Variants in PCDHA8 observed in about 807,000 individuals in gnomAD.
PCDHA8 encodes the protein protocadherin alpha-8.
Under a neutral mutation model 61.8 loss-of-function variants are expected in PCDHA8, and 53 were observed. That is an observed-to-expected ratio of 0.86 (90% CI 0.69 to 1.08). The LOEUF (loss-of-function observed/expected upper bound fraction) is 1.08, where lower values mean the gene tolerates loss of function less well. Among genes scored for constraint, PCDHA8 ranks in the 50% least tolerant of loss-of-function variants. The pLI, the probability that PCDHA8 is intolerant of heterozygous loss-of-function variation, is 0.00. For missense variants in PCDHA8, 1,293 were observed against 1,245.0 expected (o/e 1.04, Z -0.58); for synonymous variants, 618 against 556.6 (o/e 1.11, Z -1.55).
At chr5:140,946,210 G>C (rs140796631) in intron 1 of PCDHA8, among the ~76,000 whole-genome samples, 1 of 152,052 alleles carries the variant, frequency 6.6e-6, no homozygotes, top group African/African-American at 2.4e-5. Flanking sequence ...GCACACAAAT[G>C]ACCAACAGGT....
chr5:140,909,210 G>A (rs2074375008), intron 1 of PCDHA8, among the ~76,000 whole-genome samples: 1 of 152,186 alleles, frequency 6.6e-6, no homozygotes, highest in Non-Finnish European at 1.5e-5. Context: ...CCGGAGAGTT[G>A]ATATACCCCT....
Position 140,883,733 on chromosome 5 carries a change from C to T in PCDHA8, c.2394+40018C>T, listed in dbSNP as rs1554179634. 2.5e-6 allele frequency: 4 copies of T among 1,613,458 alleles called. No individual in the cohort carries two copies. In the East Asian group the frequency reaches 6.7e-5, roughly 27 times the overall value. On this transcript the variant is annotated intron_variant, in intron 1 of 3. Coordinates refer to ENST00000531613, the MANE Select transcript of PCDHA8 (RefSeq NM_018911.3). ...GGACGCGGACGCACAGGAGAACGCG[C>T]TGGTCTCCTACTCGCTGGTGGAGCG...
chr5:140,944,464 G>T (rs2093661298), intron 1 of PCDHA8, among the ~76,000 whole-genome samples: 1 of 152,158 alleles, frequency 6.6e-6, no homozygotes, highest in African/African-American at 2.4e-5. Context: ...TGGGATTACA[G>T]GTATGAGGCA....
At chr5:141,007,749 T>C (rs2098343750) in intron 3 of PCDHA8, among the ~76,000 whole-genome samples, 2 of 152,334 alleles carry the variant, frequency 1.3e-5, no homozygotes, top group South Asian at 4.1e-4. Flanking sequence ...AAGATAACTT[T>C]GGACTCTTAT....
chr5:140,873,211 T>C (rs560514188), intron 1 of PCDHA8, among the ~76,000 whole-genome samples: 2 of 152,272 alleles, frequency 1.3e-5, no homozygotes, highest in Admixed American at 6.5e-5. Flanking sequence ...TCTTTAAGTA[T>C]TAAAGAGAAG....
In PCDHA8 at chr5:141,010,994, G is replaced by A. The variant is rs1338532762; in HGVS notation, c.*1057G>A. ...TTTAAGAGAATTGCCTGAAACATCTGTATTATATCGGCCACCTGCCAATCA... is the reference window on the plus strand; with the variant it reads ...TTTAAGAGAATTGCCTGAAACATCTATATTATATCGGCCACCTGCCAATCA... On this transcript the variant is annotated 3_prime_UTR_variant, in exon 4 of 4. Transcript: ENST00000531613. The A allele has an allele frequency of 6.5e-6, 1 of 153,710 alleles. No homozygotes were observed. The highest frequency in any genetic ancestry group is 1.5e-5 in the Non-Finnish European group (1 of 68,046). The allele number at this position is 153,710 out of a possible 1,614,324, so 9.5% of individuals were successfully genotyped here.
intron 1 of PCDHA8, among the ~76,000 whole-genome samples, chr5:140,964,195 T>C (rs2095816434): frequency 6.6e-6 from 1 of 152,216 alleles, no homozygotes; most frequent in South Asian, 2.1e-4. Context: ...AAATAGAGTA[T>C]ACCATCTCTT....
rs2150344901 is a variant in PCDHA8 at position 140,842,806 on chromosome 5, G to A, written c.1485G>A (p.Val495=). The A allele has an allele frequency of 6.3e-6, 10 of 1,594,218 alleles. No homozygotes were observed. The highest frequency in any genetic ancestry group is 3.3e-5 in the South Asian group (3 of 90,442). ...QENALVSYSL[V]ERRVGERSLS... ...ACGCGCTGGTGTCCTACTCGCTTGTGGAGCGGCGGGTGGGCGAGCGCTCGC... is the reference window on the plus strand; with the variant it reads ...ACGCGCTGGTGTCCTACTCGCTTGTAGAGCGGCGGGTGGGCGAGCGCTCGC... Residue 495 remains valine, a synonymous_variant, in exon 1 of 4, where the codon GTG becomes GTA. Transcript: ENST00000531613.
At chr5:141,005,687 G>A (rs1454342103) in intron 3 of PCDHA8, among the ~76,000 whole-genome samples, 3 of 116,164 alleles carry the variant, frequency 2.6e-5, no homozygotes, top group African/African-American at 7.0e-5. Context: ...GGGCGACAGA[G>A]CGAAACTCCG....
rs182605806 is a variant in PCDHA8 at position 140,924,980 on chromosome 5, T to C, written c.2395-53969T>C. On this transcript the variant is annotated intron_variant, in intron 1 of 3. Transcript: ENST00000531613. ...TGCAAGGTGAGTGCAGTGGCTCATG[T>C]CTGTAATCCTAGCACTTTAGGAGGC... is the stretch of plus-strand genomic sequence containing the variant. Among the ~76,000 whole-genome samples, 408 of 150,900 alleles carry C rather than the reference T, an allele frequency of 2.7e-3. 2 individuals are homozygous for C. The highest frequency in any genetic ancestry group is 0.014 in the Middle Eastern group (4 of 288).
At chr5:140,877,471 G>T (rs2057146762) in intron 1 of PCDHA8, 1 of 1,613,828 alleles carries the variant, frequency 6.2e-7, no homozygotes, top group South Asian at 1.1e-5. Flanking sequence ...CACGGTGCTG[G>T]TGTCGCTGGT....
intron 1 of PCDHA8, chr5:140,883,738 C>T (rs149972776): frequency 2.5e-5 from 41 of 1,613,276 alleles, no homozygotes; most frequent in Non-Finnish European, 3.3e-5. Flanking sequence ...ACGCGCTGGT[C>T]TCCTACTCGC....
In PCDHA8 at chr5:141,010,181, C is replaced by G; in HGVS notation, c.*244C>G. The G allele has an allele frequency of 2.6e-6, 4 of 1,554,386 alleles. No individual in the cohort carries two copies. Among genetic ancestry groups the G allele is most frequent in the Non-Finnish European group, 3.5e-6 (4 of 1,148,120 alleles). On this transcript the variant is annotated 3_prime_UTR_variant, in exon 4 of 4. Transcript: ENST00000531613. ...TTGTTTTCAGAACCTAAAAAGCAGA[C>G]CCAAGTTTCCTTTCTCCTCCGCCGC... is the stretch of plus-strand genomic sequence containing the variant.
At chr5:140,853,682 A>C in intron 1 of PCDHA8, 5 of 988,426 alleles carry the variant, frequency 5.1e-6, no homozygotes, top group Non-Finnish European at 6.1e-6. Context: ...TGGTCAACCT[A>C]TCCTTAGACC....
intron 1 of PCDHA8, among the ~76,000 whole-genome samples, chr5:140,902,277 A>G (rs1257357376): frequency 1.3e-5 from 2 of 149,170 alleles, no homozygotes; most frequent in African/African-American, 5.0e-5. Flanking sequence ...GGCTCAAGCA[A>G]TCCTCCTGCC....
At chr5:140,930,446 C>T (rs891083222) in intron 1 of PCDHA8, 1 of 151,964 alleles carries the variant, frequency 6.6e-6, no homozygotes, top group Admixed American at 6.6e-5. Context: ...TGGTCTCAAA[C>T]TCCTAGCCTC....
chr5:140,909,442 A>T (rs1345461412), intron 1 of PCDHA8, among the ~76,000 whole-genome samples: 11 of 152,234 alleles, frequency 7.2e-5, no homozygotes, highest in African/African-American at 2.7e-4. Context: ...ATCCACTGTC[A>T]TTCTCCAAGA....
chr5:140,871,072 G>T, intron 1 of PCDHA8: 1 of 1,613,238 alleles, frequency 6.2e-7, no homozygotes, highest in South Asian at 1.1e-5. Context: ...CGGTGAGCCG[G>T]CGCTGACGGC....
rs1777346702 is a variant in PCDHA8, at chr5:140,841,580, A to T, written c.259A>T (p.Asn87Tyr). 6.2e-7 allele frequency: 1 copy of T among 1,613,870 alleles called. No individual in the cohort carries two copies. The highest frequency in any genetic ancestry group is 1.1e-5 in the South Asian group (1 of 91,080). ...VSLQNGILFV[N>Y]SRIDREELCG... is the part of the protein sequence containing the mutation. Reference sequence around the variant, plus strand: ...TCTGCAGAATGGCATTTTGTTTGTGAATTCTCGGATCGACCGCGAGGAGCT... The same window carrying T: ...TCTGCAGAATGGCATTTTGTTTGTGTATTCTCGGATCGACCGCGAGGAGCT... The change falls in exon 1 of 4, where the codon AAT becomes TAT. Residue 87 changes from asparagine to tyrosine, a missense_variant. Asn to Tyr is a moderately radical substitution (Grantham distance 143). Transcript: ENST00000531613.
Sources: allele counts gnomAD v4.1 joint callset (sites outside exome capture counted in the v4.1 genomes callset), GRCh38; gene constraint gnomAD v4.1.1; transcripts MANE v1.5; gene names NCBI Gene and HGNC (gene_info 2026-07-23, HGNC 2026-07-21).